MCM10: variants seen among roughly 807,000 people sequenced by gnomAD.
The protein encoded by MCM10 is minichromosome maintenance 10 replication initiation factor.
Under a neutral mutation model 109.9 loss-of-function variants are expected in MCM10, and 91 were observed. The ratio of observed to expected loss-of-function variants is 0.83; its 90% CI spans 0.70 to 0.99. The LOEUF is 0.99. Ranked by LOEUF, MCM10 falls within the 50% of genes least tolerant of loss-of-function variation. MCM10 has a pLI of 0.00. For synonymous variants in MCM10, 380 were observed against 387.2 expected (o/e 0.98, Z 0.22); for missense variants, 1,077 against 1,061.2 (o/e 1.01, Z -0.21).
chr10:13,173,598 C>T (rs1278567394), intron 5 of MCM10, among the ~76,000 whole-genome samples: 3 of 152,150 alleles, frequency 2.0e-5, no homozygotes, highest in East Asian at 1.9e-4. Flanking sequence ...GAGGACACAG[C>T]ATTTTATTGG....
intron 15 of MCM10, 150 bp downstream of exon 15, chr10:13,197,917 A>AT (rs34102127): frequency 0.11 from 56,179 of 511,902 alleles, 2,056 homozygotes; most frequent in African/African-American, 0.19. Flanking sequence ...GGTGGAACTG[A>AT]TTTTTTTTTT....
intron 18 of MCM10, among the ~76,000 whole-genome samples, chr10:13,207,329 C>G (rs555026475): frequency 9.2e-5 from 14 of 152,228 alleles, no homozygotes; most frequent in African/African-American, 2.9e-4. Flanking sequence ...AGTTTGCTGA[C>G]TCCTAACTAG....
chr10:13,197,872 C>A, intron 15 of MCM10, 105 bp downstream of exon 15: 2 of 1,164,944 alleles, frequency 1.7e-6, no homozygotes, highest in African/African-American at 1.6e-5. Flanking sequence ...ACTTCCATTT[C>A]CTCCTATATA....
rs143926655 is a variant in MCM10, at chr10:13,186,698, G to A, written c.1215+418G>A. On this transcript the variant is annotated intron_variant, in intron 9 of 19. Coordinates refer to ENST00000378714, the MANE Select transcript of MCM10 (RefSeq NM_018518.5). The stretch of plus-strand genomic sequence containing the variant: ...ATACCATGCAATTCACCCTTTTAAA[G>A]TAAGCAATTCAGGCCAGGTGTGGTG... Among the ~76,000 whole-genome samples the A allele has an allele frequency of 3.4e-3, 522 of 152,124 alleles. 1 individual carries two copies. The highest frequency in any genetic ancestry group is 0.012 in the African/African-American group (491 of 41,514).
chr10:13,183,014 C>T lies in MCM10; in HGVS notation c.1012C>T (p.His338Tyr). ...GTCCTTGTTCTTATTTGGAGAAGTT[C>T]ACAAAGCGCTCTGGAAGACGGAGCA... The part of the protein sequence containing the change: ...CVSLFLFGEV[H>Y]KALWKTEQGT... The change falls in exon 8 of 20, where the codon CAC becomes TAC. Residue 338 changes from histidine to tyrosine, a missense_variant. His to Tyr is a moderately conservative substitution (Grantham distance 83, BLOSUM62 2). Coordinates refer to ENST00000378714, the MANE Select transcript of MCM10 (RefSeq NM_018518.5). The T allele has an allele frequency of 6.2e-7, 1 of 1,614,120 alleles. No homozygotes were observed. The highest frequency in any genetic ancestry group is 8.5e-7 in the Non-Finnish European group (1 of 1,180,000).
chr10:13,196,569 G>A (rs572471108), intron 14 of MCM10, among the ~76,000 whole-genome samples: 1 of 152,206 alleles, frequency 6.6e-6, no homozygotes, highest in African/African-American at 2.4e-5. Context: ...CTGGAATACA[G>A]TAGTCCGATC....
chr10:13,210,561 G>T lies in MCM10; in HGVS notation c.*1251G>T, dbSNP rs912517636. On this transcript the variant is annotated 3_prime_UTR_variant, in exon 20 of 20. Coordinates refer to ENST00000378714, the MANE Select transcript of MCM10 (RefSeq NM_018518.5). ...AGGGACATAACACTTTTGGGAGGTTGTTGTGGGAGATGGTTGATTTAGGTT... is the reference window on the plus strand; with the variant it reads ...AGGGACATAACACTTTTGGGAGGTTTTTGTGGGAGATGGTTGATTTAGGTT... 6.6e-6 allele frequency: 1 copy of T among 152,168 alleles called. No homozygotes were observed. Among genetic ancestry groups the T allele is most frequent in the Non-Finnish European group, 1.5e-5 (1 of 68,032 alleles). The allele number at this position is 152,168 out of a possible 1,614,324, so 9.4% of individuals were successfully genotyped here.
At chr10:13,163,852 A>T (rs1277001022) in intron 1 of MCM10, among the ~76,000 whole-genome samples, 1 of 152,110 alleles carries the variant, frequency 6.6e-6, no homozygotes, top group Non-Finnish European at 1.5e-5. Context: ...GTTCTTCCTC[A>T]TAATTTATCT....
chr10:13,188,913 G>A lies in MCM10; in HGVS notation c.1248G>A (p.Gln416=). 1 of 1,614,158 alleles carries A rather than the reference G, an allele frequency of 6.2e-7. No homozygotes were observed. The highest frequency in any genetic ancestry group is 8.5e-7 in the Non-Finnish European group (1 of 1,180,026). Residue 416 remains glutamine (Q), a synonymous_variant, in exon 10 of 20, where the codon CAG becomes CAA. Transcript: ENST00000378714. ...GTGAGTACTGTCAGTACCATGTCCA[G>A]GCTCAGTACAAGAAGCTCAGCGCAA... ...RDCEYCQYHV[Q]AQYKKLSAKR...
intron 16 of MCM10, among the ~76,000 whole-genome samples, chr10:13,200,873 GGT>G (rs1480081329): frequency 1.3e-5 from 2 of 152,170 alleles, no homozygotes; most frequent in African/African-American, 4.8e-5. Context: ...GGCCAGGTGC[GGT>G]GGCTCATGCC....
In MCM10 at chr10:13,204,314, C is replaced by G; in HGVS notation, c.2448C>G (p.Pro816=). The G allele has an allele frequency of 1.2e-6, 2 of 1,614,204 alleles. No homozygotes were observed. Among genetic ancestry groups the G allele is most frequent in the Non-Finnish European group, 1.7e-6 (2 of 1,180,026 alleles). The change falls in exon 18 of 20, where the codon CCC becomes CCG. Residue 816 remains proline, a synonymous_variant. Coordinates refer to ENST00000378714, the MANE Select transcript of MCM10 (RefSeq NM_018518.5). Reference sequence around the variant, plus strand: ...GTGTGAAGAGGTTTTTCAAATGTCCCTGTGGAAACAGAAGCATCTCCTTGG... The same window carrying G: ...GTGTGAAGAGGTTTTTCAAATGTCCGTGTGGAAACAGAAGCATCTCCTTGG... The part of the protein sequence containing the change: ...HDGVKRFFKC[P]CGNRSISLDR...
Position 13,175,610 on chromosome 10 carries a change from G to A in MCM10, c.693G>A (p.Val231=), listed in dbSNP as rs1564383186. 1 of 1,613,672 alleles carries A rather than the reference G, an allele frequency of 6.2e-7. No individual in the cohort carries two copies. The highest frequency in any genetic ancestry group is 1.1e-5 in the South Asian group (1 of 91,070). ...KPSGITRGQI[V]GTPGSSGETT... is the part of the protein sequence containing the mutation. ...GTGGGATAACTAGAGGTCAAATTGT[G>A]GGGACCCCAGGAAGTTCTGGGGAAA... Residue 231 remains valine (V), a synonymous_variant, in exon 6 of 20, where the codon GTG becomes GTA. Transcript: ENST00000378714.
At chr10:13,208,106 G>A (rs1834608939) in intron 18 of MCM10, among the ~76,000 whole-genome samples, 2 of 152,244 alleles carry the variant, frequency 1.3e-5, no homozygotes, top group South Asian at 2.1e-4. Context: ...AAGAAGGGCT[G>A]GACTTGGTGG....
At chr10:13,200,700 C>T (rs759971115) in intron 16 of MCM10, among the ~76,000 whole-genome samples, 3 of 152,210 alleles carry the variant, frequency 2.0e-5, no homozygotes, top group Admixed American at 6.5e-5. Flanking sequence ...CCTGATGTCC[C>T]GTGCACCCAG....
Position 13,164,236 on chromosome 10 carries a change from C to G in MCM10, c.7+27C>G, listed in dbSNP as rs771048107. ...TAAGACCTGGCAGTTTTCTGTTACTCTGTTTCAAGGAAAACTAACCTTTTG... is the reference window on the plus strand; with the variant it reads ...TAAGACCTGGCAGTTTTCTGTTACTGTGTTTCAAGGAAAACTAACCTTTTG... On this transcript the variant is annotated intron_variant, in intron 2 of 19. Transcript: ENST00000378714. The G allele has an allele frequency of 3.2e-6, 5 of 1,587,022 alleles. No individual in the cohort carries two copies. The East Asian group carries it at 9.1e-5, about 29-fold the overall frequency.
chr10:13,177,166 A>G (rs114450321), intron 6 of MCM10, among the ~76,000 whole-genome samples: 2,331 of 152,286 alleles, frequency 0.015, 64 homozygotes, highest in African/African-American at 0.053. Context: ...TGTGAATCAG[A>G]ATTGAGATAG....
Position 13,204,211 on chromosome 10 carries a change from C to G in MCM10, c.2353-8C>G. On this transcript the variant is annotated splice_polypyrimidine_tract_variant and splice_region_variant and intron_variant, in intron 17 of 19. Transcript: ENST00000378714. ...CCGGCGGTGTGGGTTTTTTGTTGCTCTGTGCAGTGCGCCTATACCCACTTC... is the reference window on the plus strand; with the variant it reads ...CCGGCGGTGTGGGTTTTTTGTTGCTGTGTGCAGTGCGCCTATACCCACTTC... The G allele has an allele frequency of 6.2e-7, 1 of 1,612,908 alleles. No homozygotes were observed. The highest frequency in any genetic ancestry group is 1.1e-5 in the South Asian group (1 of 90,940).
chr10:13,176,488 C>T (rs1453117429), intron 6 of MCM10, among the ~76,000 whole-genome samples: 1 of 152,130 alleles, frequency 6.6e-6, no homozygotes, highest in African/African-American at 2.4e-5. Context: ...CAAGTGAAAC[C>T]CTCTAAAACT....
intron 10 of MCM10, among the ~76,000 whole-genome samples, chr10:13,189,935 C>T (rs899066385): frequency 3.3e-5 from 5 of 151,946 alleles, no homozygotes; most frequent in Non-Finnish European, 7.4e-5. Context: ...TCTTGGACTA[C>T]ACATAAAATA....
Sources: gnomAD v4.1 joint callset for allele counts (sites outside exome capture counted in the v4.1 genomes callset) on GRCh38, gnomAD v4.1.1 for gene constraint, MANE v1.5 for transcripts, NCBI Gene and HGNC (gene_info 2026-07-23, HGNC 2026-07-21) for gene names.